Variants in PTPRT observed in about 807,000 individuals in gnomAD.
PTPRT encodes the protein protein tyrosine phosphatase receptor type T.
A neutral mutation model predicts 176.8 loss-of-function variants in PTPRT; 56 were observed. The observed-to-expected ratio is 0.32, with a 90% CI of 0.26 to 0.40. PTPRT has a LOEUF of 0.40. Among genes scored for constraint, PTPRT ranks in the 10% least tolerant of loss-of-function variants. The pLI, the probability that PTPRT is intolerant of heterozygous loss-of-function variation, is 1.00. For synonymous variants in PTPRT, 783 were observed against 739.0 expected, an observed-to-expected ratio of 1.06 and a Z score of -0.96; for missense variants, 1,540 against 1,908.2, an observed-to-expected ratio of 0.81 and a Z score of 3.60.
chr20:42,720,043 T>C (rs538661168), intron 6 of PTPRT, among the ~76,000 whole-genome samples: 24 of 152,310 alleles, frequency 1.6e-4, no homozygotes, highest in African/African-American at 5.5e-4. Context: ...AATAACAAGT[T>C]TCATTTAACT....
At chr20:42,475,817 C>T (rs749329446) in intron 7 of PTPRT, among the ~76,000 whole-genome samples, 3 of 152,198 alleles carry the variant, frequency 2.0e-5, no homozygotes, top group Non-Finnish European at 4.4e-5. Context: ...AAGGACTAAA[C>T]AGGAGCATCT....
At chr20:42,367,634 G>C (rs905753091) in intron 9 of PTPRT, among the ~76,000 whole-genome samples, 3 of 152,190 alleles carry the variant, frequency 2.0e-5, no homozygotes, top group Non-Finnish European at 4.4e-5. Flanking sequence ...AGGGTGGGGA[G>C]GATAGGTGTG....
At chr20:42,121,027 C>T (rs1227636613) in intron 19 of PTPRT, among the ~76,000 whole-genome samples, 3 of 151,486 alleles carry the variant, frequency 2.0e-5, no homozygotes, top group Non-Finnish European at 3.0e-5. Context: ...GTCTTTTTGC[C>T]CTGTTGAGGT....
At chr20:42,440,765 C>G (rs1051151923) in intron 9 of PTPRT, among the ~76,000 whole-genome samples, 2 of 152,250 alleles carry the variant, frequency 1.3e-5, no homozygotes, top group African/African-American at 4.8e-5. Flanking sequence ...GCGTGAGCCA[C>G]CATGCCCGGC....
chr20:42,820,352 G>C (rs1478202777), intron 2 of PTPRT, among the ~76,000 whole-genome samples: 1 of 152,068 alleles, frequency 6.6e-6, no homozygotes, highest in East Asian at 1.9e-4. Context: ...CAGAAATCAA[G>C]AAGTTCTTTG....
At chr20:42,625,942 C>T (rs550848316) in intron 7 of PTPRT, among the ~76,000 whole-genome samples, 1 of 124,358 alleles carries the variant, frequency 8.0e-6, no homozygotes, top group Admixed American at 8.5e-5. Flanking sequence ...TTTTGTAGAA[C>T]ATTTCTACAA....
intron 7 of PTPRT, among the ~76,000 whole-genome samples, chr20:42,534,518 C>A (rs2072441411): frequency 6.6e-6 from 1 of 152,154 alleles, no homozygotes; most frequent in African/African-American, 2.4e-5. Flanking sequence ...CGCCTGTAGT[C>A]CCAGCTACTC....
intron 13 of PTPRT, among the ~76,000 whole-genome samples, chr20:42,265,905 A>C (rs1213797222): frequency 6.6e-6 from 1 of 152,144 alleles, no homozygotes; most frequent in Non-Finnish European, 1.5e-5. Flanking sequence ...GACAGTTGCT[A>C]AGAACTCCCA....
intron 7 of PTPRT, among the ~76,000 whole-genome samples, chr20:42,672,336 G>C (rs907526761): frequency 1.3e-5 from 2 of 152,158 alleles, no homozygotes. Flanking sequence ...TCCTGTCCTT[G>C]TACATCAGAC....
At chr20:43,044,221 T>A (rs887557801) in intron 1 of PTPRT, among the ~76,000 whole-genome samples, 1 of 151,936 alleles carries the variant, frequency 6.6e-6, no homozygotes, top group South Asian at 2.1e-4. Flanking sequence ...GAAGGGCAAA[T>A]CCACAGGTGG....
intron 1 of PTPRT, among the ~76,000 whole-genome samples, chr20:43,028,540 T>G (rs1986012116): frequency 6.6e-6 from 1 of 152,148 alleles, no homozygotes; most frequent in Non-Finnish European, 1.5e-5. Flanking sequence ...CCTTTTAAAA[T>G]GACATAAGCA....
chr20:42,877,577 C>T (rs1476039241), intron 2 of PTPRT, among the ~76,000 whole-genome samples: 4 of 152,086 alleles, frequency 2.6e-5, no homozygotes, highest in Non-Finnish European at 5.9e-5. Flanking sequence ...ATGCTGGGGT[C>T]GCATCATGAG....
chr20:42,745,287 C>A (rs574561911), intron 6 of PTPRT, among the ~76,000 whole-genome samples: 1 of 152,210 alleles, frequency 6.6e-6, no homozygotes, highest in Non-Finnish European at 1.5e-5. Flanking sequence ...ATCTTCCCAT[C>A]CAGTTTCTGC....
chr20:42,372,155 G>T (rs2058594670), intron 9 of PTPRT, among the ~76,000 whole-genome samples: 1 of 152,118 alleles, frequency 6.6e-6, no homozygotes, highest in Admixed American at 6.6e-5. Context: ...AGATCCATCA[G>T]CCCTTGGCTA....
intron 9 of PTPRT, among the ~76,000 whole-genome samples, chr20:42,414,438 G>T (rs1456202130): frequency 6.6e-6 from 1 of 152,158 alleles, no homozygotes; most frequent in Non-Finnish European, 1.5e-5. Context: ...TGAAATAAAA[G>T]GTATGCCTGT....
At chr20:42,532,389 A>T (rs2072400140) in intron 7 of PTPRT, among the ~76,000 whole-genome samples, 1 of 152,112 alleles carries the variant, frequency 6.6e-6, no homozygotes, top group African/African-American at 2.4e-5. Flanking sequence ...AAAGGGCTAT[A>T]TCCAGCTATG....
intron 1 of PTPRT, among the ~76,000 whole-genome samples, chr20:43,135,222 A>C (rs1568805367): frequency 6.6e-6 from 1 of 152,320 alleles, no homozygotes; most frequent in East Asian, 1.9e-4. Context: ...CAACTGTCGA[A>C]GTGGGGTTCA....
chr20:42,221,639 C>G (rs1055627109), intron 15 of PTPRT, among the ~76,000 whole-genome samples: 1 of 152,006 alleles, frequency 6.6e-6, no homozygotes, highest in Non-Finnish European at 1.5e-5. Context: ...CATGCCTCAG[C>G]CTCCCAAGTA....
intron 12 of PTPRT, among the ~76,000 whole-genome samples, chr20:42,288,938 C>T (rs562749298): frequency 9.9e-5 from 15 of 151,850 alleles, no homozygotes; most frequent in South Asian, 2.1e-4. Flanking sequence ...TAAGAAGTCT[C>T]CAAACTGCTT....
Sources: allele counts gnomAD v4.1 joint callset (sites outside exome capture counted in the v4.1 genomes callset), GRCh38; gene constraint gnomAD v4.1.1; transcripts MANE v1.5; gene names NCBI Gene and HGNC (gene_info 2026-07-23, HGNC 2026-07-21).